STXBP5: variants seen among roughly 807,000 people sequenced by gnomAD.
STXBP5 encodes the protein syntaxin binding protein 5.
A neutral mutation model predicts 152.4 loss-of-function variants in STXBP5; 50 were observed. The ratio of observed to expected loss-of-function variants is 0.33; its 90% CI spans 0.26 to 0.42. The LOEUF (loss-of-function observed/expected upper bound fraction) is 0.42. Ranked by LOEUF, STXBP5 falls within the 10% of genes least tolerant of loss-of-function variation. STXBP5 has a pLI of 1.00. For synonymous variants in STXBP5, 492 were observed against 494.7 expected, an observed-to-expected ratio of 0.99 and a Z score of 0.07; for missense variants, 1,167 against 1,388.6, an observed-to-expected ratio of 0.84 and a Z score of 2.54.
At chr6:147,327,500 G>A (rs1783326646) in intron 18 of STXBP5, among the ~76,000 whole-genome samples, 1 of 152,060 alleles carries the variant, frequency 6.6e-6, no homozygotes, top group South Asian at 2.1e-4. Flanking sequence ...CCAGACTGGT[G>A]TGCAGTAGTG....
At chr6:147,372,407 C>T (rs9497761) in intron 25 of STXBP5, among the ~76,000 whole-genome samples, 72,500 of 74,874 alleles carry the variant, frequency 0.97, 35,096 homozygotes, top group South Asian at 0.99. Context: ...CGTCCTTTTC[C>T]TTTTTTTTTT....
intron 4 of STXBP5, among the ~76,000 whole-genome samples, chr6:147,244,541 T>C (rs1394839553): frequency 6.6e-6 from 1 of 152,234 alleles, no homozygotes; most frequent in South Asian, 2.1e-4. Flanking sequence ...AATTGCAATG[T>C]TTTTATTAAT....
At position 147,311,407 on chromosome 6, in the gene STXBP5, G is replaced by A. The variant is rs1475203795; in HGVS notation, c.1073-48G>A. ...GCAAGAAACATTTATCTAATTTGCT[G>A]TCCACTTGCATTTTTGAAACTATAA... On this transcript the variant is annotated intron_variant, in intron 10 of 27. Coordinates refer to ENST00000321680, the MANE Select transcript of STXBP5 (RefSeq NM_001127715.4). The A allele has an allele frequency of 3.4e-6, 5 of 1,468,168 alleles. No individual in the cohort carries two copies. In the East Asian group the frequency reaches 1.1e-4, roughly 33 times the overall value. The allele number at this position is 1,468,168 out of a possible 1,614,324, so 90.9% of individuals were successfully genotyped here.
At chr6:147,292,071 C>G (rs1021287341) in intron 9 of STXBP5, among the ~76,000 whole-genome samples, 36 of 152,182 alleles carry the variant, frequency 2.4e-4, no homozygotes, top group African/African-American at 8.4e-4. Context: ...TGCTGATGCA[C>G]TCTAACATTT....
intron 2 of STXBP5, among the ~76,000 whole-genome samples, chr6:147,212,862 A>G (rs1040362154): frequency 2.0e-5 from 3 of 152,202 alleles, no homozygotes; most frequent in African/African-American, 7.2e-5. Context: ...GGTTTGTAGC[A>G]TTTTCTGTGT....
chr6:147,272,763 T>G (rs1780237868), intron 7 of STXBP5, among the ~76,000 whole-genome samples: 2 of 152,208 alleles, frequency 1.3e-5, no homozygotes, highest in Non-Finnish European at 2.9e-5. Flanking sequence ...TTCTACTCAG[T>G]ACAGCTTTAA....
At chr6:147,366,771 GAT>G (rs1785309543) in intron 25 of STXBP5, among the ~76,000 whole-genome samples, 2 of 152,184 alleles carry the variant, frequency 1.3e-5, no homozygotes, top group Non-Finnish European at 2.9e-5. Context: ...ATTAGGACCT[GAT>G]ATCCTTGGAT....
rs747661250 is a variant in STXBP5 at position 147,334,203 on chromosome 6, C to T, written c.2127C>T (p.Arg709=). The stretch of plus-strand genomic sequence containing the variant: ...AAGGGACTGTTGTTCCAGAGGATCG[C>T]TGCAAATCTCCAACCTCTGGTAATT... ...ISEGTVVPED[R]CKSPTSGSSS... The change falls in exon 19 of 28, where the codon CGC becomes CGT. Residue 709 remains arginine (R), a synonymous_variant. Transcript: ENST00000321680. The T allele has an allele frequency of 2.5e-6, 4 of 1,612,180 alleles. No homozygotes were observed. In the South Asian group the frequency reaches 4.4e-5, roughly 18 times the overall value.
rs1785189239 is a variant in STXBP5, at chr6:147,364,135, C to G, written c.3050C>G (p.Thr1017Ser). The change falls in exon 25 of 28, where the codon ACT becomes AGT. Residue 1017 changes from threonine to serine, a missense_variant. By Grantham distance (58) the Thr-to-Ser change is moderately conservative (BLOSUM62 1). This residue lies in a region of STXBP5 where 833 missense variants were observed against 986.3 expected (regional missense o/e 0.84). Transcript: ENST00000321680. ...TCACCTACAGAAATCCAGAGACTTACTTATAGTCAAGAGACCTGTGAAAAT... is the reference window on the plus strand; with the variant it reads ...TCACCTACAGAAATCCAGAGACTTAGTTATAGTCAAGAGACCTGTGAAAAT... Reference protein sequence around the residue: ...LVSPTEIQRLTYSQETCENLQ... With the variant: ...LVSPTEIQRLSYSQETCENLQ... The G allele has an allele frequency of 6.2e-7, 1 of 1,613,374 alleles. No homozygotes were observed. Among genetic ancestry groups the G allele is most frequent in the African/African-American group, 1.3e-5 (1 of 75,010 alleles).
At position 147,386,709 on chromosome 6, in the gene STXBP5, T is replaced by C. The variant is rs1164881892; in HGVS notation, c.*1954T>C. 1 of 151,844 alleles carries C rather than the reference T, an allele frequency of 6.6e-6. No homozygotes were observed. Among genetic ancestry groups the C allele is most frequent in the African/African-American group, 2.4e-5 (1 of 41,412 alleles). The allele number at this position is 151,844 out of a possible 1,614,324, so 9.4% of individuals were successfully genotyped here. On this transcript the variant is annotated 3_prime_UTR_variant, in exon 28 of 28. Coordinates refer to ENST00000321680, the MANE Select transcript of STXBP5 (RefSeq NM_001127715.4). ...CCAGTAAACCCATAGTTCCATGATA[T>C]GTCACAGGAATTGTTAGGTCCTATT...
At chr6:147,333,518 C>T (rs965544110) in intron 18 of STXBP5, among the ~76,000 whole-genome samples, 1 of 152,186 alleles carries the variant, frequency 6.6e-6, no homozygotes, top group African/African-American at 2.4e-5. Context: ...AGGGAAACTC[C>T]GTCATAAAAA....
At chr6:147,354,799 A>G (rs888646129) in intron 22 of STXBP5, among the ~76,000 whole-genome samples, 1 of 152,190 alleles carries the variant, frequency 6.6e-6, no homozygotes, top group Non-Finnish European at 1.5e-5. Context: ...TAGCATGCCC[A>G]TGTATGCCCT....
intron 4 of STXBP5, among the ~76,000 whole-genome samples, chr6:147,255,050 A>T (rs1056963816): frequency 1.3e-5 from 2 of 152,256 alleles, no homozygotes; most frequent in Non-Finnish European, 2.9e-5. Context: ...CACAATAGTA[A>T]AGACGTGGAA....
intron 4 of STXBP5, among the ~76,000 whole-genome samples, chr6:147,249,009 CA>C (rs939340746): frequency 5.3e-5 from 8 of 152,106 alleles, no homozygotes; most frequent in Non-Finnish European, 1.0e-4. Context: ...AGCAGGGAGA[CA>C]GGGATTCAGA....
chr6:147,207,538 A>G (rs373775218), intron 2 of STXBP5, among the ~76,000 whole-genome samples: 1 of 152,256 alleles, frequency 6.6e-6, no homozygotes, highest in East Asian at 1.9e-4. Flanking sequence ...GATCAAGACC[A>G]TCTAGTTTAG....
intron 4 of STXBP5, among the ~76,000 whole-genome samples, chr6:147,250,998 G>T (rs1366570211): frequency 1.3e-5 from 2 of 149,410 alleles, no homozygotes; most frequent in Non-Finnish European, 3.0e-5. Context: ...AAAAAAGAAG[G>T]CCGAATAGAA....
chr6:147,313,846 T>C (rs780109264), intron 11 of STXBP5, 38 bp from the exon 12 acceptor site: 16 of 1,364,270 alleles, frequency 1.2e-5, no homozygotes, highest in Non-Finnish European at 4.0e-6. Context: ...GTATAATTCA[T>C]TAAATTAATA....
chr6:147,211,308 CA>C (rs60677588), intron 2 of STXBP5, among the ~76,000 whole-genome samples: 6,519 of 67,020 alleles, frequency 0.097, 137 homozygotes, highest in African/African-American at 0.12. Flanking sequence ...GACTCTGTCT[CA>C]AAAAAAAAAA....
chr6:147,372,342 T>C (rs1171149002), intron 25 of STXBP5, among the ~76,000 whole-genome samples: 1 of 145,462 alleles, frequency 6.9e-6, no homozygotes, highest in Non-Finnish European at 1.5e-5. Context: ...TTATTCCAAC[T>C]ATAATGATGT....
Sources: allele counts gnomAD v4.1 joint callset (sites outside exome capture counted in the v4.1 genomes callset), GRCh38; gene constraint gnomAD v4.1.1; regional missense constraint gnomAD v4.1.1; transcripts MANE v1.5; gene names NCBI Gene and HGNC (gene_info 2026-07-23, HGNC 2026-07-21).